ENTPD5: variants seen among roughly 807,000 people sequenced by gnomAD.
ENTPD5 encodes the protein ectonucleoside triphosphate diphosphohydrolase 5 (inactive).
Under a neutral mutation model 60.2 loss-of-function variants are expected in ENTPD5, and 49 were observed. The observed-to-expected ratio is 0.81, with a 90% CI of 0.65 to 1.03. The LOEUF is 1.03. Among genes scored for constraint, ENTPD5 ranks in the 50% least tolerant of loss-of-function variants. ENTPD5 has a pLI of 0.00. For synonymous variants in ENTPD5, 187 were observed against 185.4 expected, an observed-to-expected ratio of 1.01 and a Z score of -0.07; for missense variants, 480 against 507.6, an observed-to-expected ratio of 0.95 and a Z score of 0.52.
chr14:74,014,558 CAAAT>C (rs755614438), intron 2 of ENTPD5, among the ~76,000 whole-genome samples: 4 of 151,808 alleles, frequency 2.6e-5, no homozygotes, highest in Middle Eastern at 3.2e-3. Context: ...CATTCATTAA[CAAAT>C]AAATAAACAA....
chr14:73,973,686 G>C (rs1456363984), intron 12 of ENTPD5, among the ~76,000 whole-genome samples, 191 bp downstream of exon 12: 2 of 152,132 alleles, frequency 1.3e-5, no homozygotes, highest in African/African-American at 2.4e-5. Context: ...CATGACACTT[G>C]GCTGATGCAG....
chr14:73,961,007 G>A (rs1187822604), downstream of ENTPD5: 5 of 793,664 alleles, frequency 6.3e-6, no homozygotes, highest in African/African-American at 5.1e-5. Flanking sequence ...GGGGAGTGAT[G>A]AGAAGTTGCT....
chr14:73,972,142 GC>G (rs112272978), intron 13 of ENTPD5, among the ~76,000 whole-genome samples: 3,796 of 151,754 alleles, frequency 0.025, 163 homozygotes, highest in African/African-American at 0.088. Flanking sequence ...ACTTTGGGAG[GC>G]CGAGGAAGGC....
chr14:73,996,373 T>A (rs1379935430), intron 3 of ENTPD5: 1 of 181,742 alleles, frequency 5.5e-6, no homozygotes. Context: ...TTATCGCTCA[T>A]AGGGCGGAAG....
At chr14:74,007,324 A>C (rs1261691126) in intron 3 of ENTPD5, among the ~76,000 whole-genome samples, 2 of 152,180 alleles carry the variant, frequency 1.3e-5, no homozygotes, top group Admixed American at 6.5e-5. Flanking sequence ...AATCAAGACC[A>C]TCCTGGCTAA....
intron 3 of ENTPD5, among the ~76,000 whole-genome samples, chr14:73,993,998 A>C (rs2140713305): frequency 6.6e-6 from 1 of 152,304 alleles, no homozygotes; most frequent in East Asian, 1.9e-4. Context: ...TAGATTTTAG[A>C]GAAAGCAAAG....
intron 3 of ENTPD5, among the ~76,000 whole-genome samples, chr14:73,988,456 C>T (rs1441145939): frequency 1.3e-5 from 2 of 152,034 alleles, no homozygotes; most frequent in Non-Finnish European, 1.5e-5. Flanking sequence ...TATATGCAGA[C>T]GATGTGTAAA....
intron 3 of ENTPD5, chr14:73,996,195 A>G (rs970520512): frequency 2.0e-5 from 20 of 985,170 alleles, no homozygotes; most frequent in Non-Finnish European, 2.3e-5. Flanking sequence ...TTCTTAATCA[A>G]GCGAGCCTCA....
chr14:74,001,019 A>G (rs1379656882), intron 3 of ENTPD5, among the ~76,000 whole-genome samples: 1 of 152,090 alleles, frequency 6.6e-6, no homozygotes, highest in African/African-American at 2.4e-5. Context: ...CAAGGAGTGC[A>G]AGTCCAGCTT....
intron 11 of ENTPD5, 90 bp downstream of exon 11, chr14:73,974,834 T>C (rs2074933): frequency 0.68 from 693,304 of 1,023,542 alleles, 236,541 homozygotes; most frequent in South Asian, 0.76. Flanking sequence ...ATCTTTTCCT[T>C]CATAGAATGG....
At chr14:73,958,217 C>T, downstream of ENTPD5, 3 of 1,614,132 alleles carry the variant, frequency 1.9e-6, no homozygotes, top group Non-Finnish European at 2.5e-6. Flanking sequence ...CTATGGCCGA[C>T]TCCAGCCCTT....
chr14:74,004,671 C>T (rs1430112082), intron 3 of ENTPD5, among the ~76,000 whole-genome samples: 1 of 152,122 alleles, frequency 6.6e-6, no homozygotes, highest in African/African-American at 2.4e-5. Context: ...CTCAGTAGCT[C>T]CCCGTGTAGA....
intron 1 of ENTPD5, 79 bp from the exon 2 acceptor site, chr14:74,016,009 T>C (rs567231537): frequency 6.6e-6 from 1 of 152,310 alleles, no homozygotes; most frequent in East Asian, 1.9e-4. Context: ...ATTAGTGTTC[T>C]AAACAATGAA....
intron 3 of ENTPD5, chr14:74,009,196 T>C (rs2058769821): frequency 6.6e-6 from 1 of 152,208 alleles, no homozygotes; most frequent in South Asian, 2.1e-4. Flanking sequence ...CAAAGTCCTT[T>C]AGATAAGAAG....
In ENTPD5 at chr14:73,974,919, C is replaced by T. The variant is rs369248160; in HGVS notation, c.784+5G>A. On this transcript the variant is annotated splice_donor_5th_base_variant and intron_variant, in intron 11 of 15. Coordinates refer to ENST00000334696, the MANE Select transcript of ENTPD5 (RefSeq NM_001249.5). ...TCCCCCCCCAGCACAGGTACCCAGACAAACCTTCTGTCTCCAGGGCTCCCA... is the reference window on the plus strand; with the variant it reads ...TCCCCCCCCAGCACAGGTACCCAGATAAACCTTCTGTCTCCAGGGCTCCCA... 3 of 1,612,848 alleles carry T rather than the reference C, an allele frequency of 1.9e-6. No homozygotes were observed. Among genetic ancestry groups the T allele is most frequent in the South Asian group, 1.1e-5 (1 of 91,032 alleles).
At chr14:74,009,841 G>C (rs923272973) in intron 3 of ENTPD5, among the ~76,000 whole-genome samples, 25 of 152,164 alleles carry the variant, frequency 1.6e-4, no homozygotes, top group African/African-American at 5.5e-4. Flanking sequence ...AGGCTGGATG[G>C]AGTGCAGTGG....
At chr14:73,976,287 A>G in intron 9 of ENTPD5, 37 bp downstream of exon 9, 1 of 1,560,534 alleles carries the variant, frequency 6.4e-7, no homozygotes, top group Non-Finnish European at 8.8e-7. Flanking sequence ...ACGCCTGCCA[A>G]GTGCACTTCT....
In ENTPD5 at chr14:73,963,683, G is replaced by A. The variant is rs772858416; in HGVS notation, c.*3245C>T. 3.9e-5 allele frequency: 6 copies of A among 152,640 alleles called. No homozygotes were observed. Among genetic ancestry groups the A allele is most frequent in the African/African-American group, 7.2e-5 (3 of 41,470 alleles). 9.5% of individuals were successfully genotyped at this position (152,640 alleles called of 1,614,324 possible). On this transcript the variant is annotated 3_prime_UTR_variant, in exon 16 of 16. Coordinates refer to ENST00000334696, the MANE Select transcript of ENTPD5 (RefSeq NM_001249.5). ...TAGCAGCAGAATTTGTTCATGTTTGGTGGCAGACTGGTGGCCAACTGGAGG... is the reference window on the plus strand; with the variant it reads ...TAGCAGCAGAATTTGTTCATGTTTGATGGCAGACTGGTGGCCAACTGGAGG...
At chr14:73,974,050 G>T in intron 11 of ENTPD5, 72 bp from the exon 12 acceptor site, 2 of 1,290,826 alleles carry the variant, frequency 1.5e-6, no homozygotes, top group Non-Finnish European at 1.1e-6. Context: ...CAAGAAGCCA[G>T]TGAGGTGGAA....
Sources: allele counts gnomAD v4.1 joint callset (sites outside exome capture counted in the v4.1 genomes callset), GRCh38; gene constraint gnomAD v4.1.1; transcripts MANE v1.5; gene names NCBI Gene and HGNC (gene_info 2026-07-23, HGNC 2026-07-21).